The following CNTNAP2 variants were observed in gnomAD, a reference collection of about 807,000 sequenced individuals.
The protein encoded by CNTNAP2 is contactin-associated protein-like 2.
A neutral mutation model predicts 155.2 loss-of-function variants in CNTNAP2; 98 were observed. That is an observed-to-expected ratio of 0.63 (90% CI 0.54 to 0.75). CNTNAP2 has a LOEUF of 0.75. CNTNAP2 is among the 30% of genes least tolerant of loss of function. The pLI is 0.00. For missense variants in CNTNAP2, 1,727 were observed against 1,688.1 expected (o/e 1.02, Z -0.40); for synonymous variants, 651 against 631.2 (o/e 1.03, Z -0.47).
chr7:148,166,617 T>G (rs1440862355), intron 17 of CNTNAP2, among the ~76,000 whole-genome samples: 2 of 152,214 alleles, frequency 1.3e-5, no homozygotes, highest in African/African-American at 4.8e-5. Flanking sequence ...TTCCAGCATT[T>G]TCATAATTAA....
intron 16 of CNTNAP2, among the ~76,000 whole-genome samples, chr7:148,122,683 A>G (rs1270351944): frequency 6.6e-6 from 1 of 152,112 alleles, no homozygotes; most frequent in East Asian, 1.9e-4. Flanking sequence ...CAGAGAAAAG[A>G]CTGGAAGCCA....
chr7:146,472,658 A>T (rs1199385354), intron 1 of CNTNAP2, among the ~76,000 whole-genome samples: 1 of 152,184 alleles, frequency 6.6e-6, no homozygotes. Flanking sequence ...TAGATTCTCT[A>T]CAAGCAAATT....
intron 1 of CNTNAP2, among the ~76,000 whole-genome samples, chr7:146,162,659 A>G (rs1430302222): frequency 6.6e-6 from 1 of 152,250 alleles, no homozygotes; most frequent in Non-Finnish European, 1.5e-5. Context: ...ATTACTGGGT[A>G]TATACCCAAA....
rs1020553594 is a variant in CNTNAP2, at chr7:147,766,418, T to C, written c.2098+127112T>C. 3.9e-5 allele frequency among the ~76,000 whole-genome samples: 6 copies of C among 152,162 alleles called. No individual in the cohort carries two copies. The East Asian group carries it at 7.7e-4, about 20-fold the overall frequency. ...TTGTAAAATCATTCCTTTAGACCTATTGAGTAATAACGGTGTAGGTGAAGT... is the reference window on the plus strand; with the variant it reads ...TTGTAAAATCATTCCTTTAGACCTACTGAGTAATAACGGTGTAGGTGAAGT... On this transcript the variant is annotated intron_variant, in intron 13 of 23. Transcript: ENST00000361727.
chr7:147,904,908 C>T (rs942217324), intron 14 of CNTNAP2, among the ~76,000 whole-genome samples: 15 of 151,580 alleles, frequency 9.9e-5, no homozygotes, highest in Admixed American at 2.0e-4. Context: ...TCTACACACA[C>T]ACACACACAC....
intron 1 of CNTNAP2, among the ~76,000 whole-genome samples, chr7:146,641,170 C>T (rs1262001302): frequency 6.6e-6 from 1 of 151,776 alleles, no homozygotes; most frequent in Non-Finnish European, 1.5e-5. Flanking sequence ...ACTAAAAATA[C>T]AAAAAAATTA....
At chr7:148,218,683 C>T (rs1389786383) in intron 19 of CNTNAP2, among the ~76,000 whole-genome samples, 1 of 152,052 alleles carries the variant, frequency 6.6e-6, no homozygotes, top group African/African-American at 2.4e-5. Flanking sequence ...AGCCACCATG[C>T]CCGGCCCAGG....
intron 13 of CNTNAP2, among the ~76,000 whole-genome samples, chr7:147,710,604 C>G (rs1292590785): frequency 6.6e-6 from 1 of 152,108 alleles, no homozygotes; most frequent in Non-Finnish European, 1.5e-5. Context: ...ATACTTTTAT[C>G]ATAACATTGA....
intron 14 of CNTNAP2, among the ~76,000 whole-genome samples, chr7:147,906,826 G>A (rs978493247): frequency 2.0e-5 from 3 of 152,096 alleles, no homozygotes; most frequent in Non-Finnish European, 4.4e-5. Flanking sequence ...TCTGAATTCA[G>A]ATCACAGATT....
At chr7:147,139,797 C>T (rs1409439393) in intron 8 of CNTNAP2, among the ~76,000 whole-genome samples, 1 of 152,090 alleles carries the variant, frequency 6.6e-6, no homozygotes, top group African/African-American at 2.4e-5. Context: ...TGTTTAGCCA[C>T]ATATATTTCT....
chr7:148,175,083 G>A (rs2906286), intron 18 of CNTNAP2, among the ~76,000 whole-genome samples: 8,456 of 152,180 alleles, frequency 0.056, 608 homozygotes, highest in African/African-American at 0.17. Flanking sequence ...CAAAAGACAT[G>A]AACTCATTCT....
chr7:148,263,233 G>C (rs141013993), intron 20 of CNTNAP2: 9 of 152,288 alleles, frequency 5.9e-5, no homozygotes, highest in African/African-American at 2.2e-4. Flanking sequence ...TCCTAACTGA[G>C]CAGGTAATTT....
intron 1 of CNTNAP2, among the ~76,000 whole-genome samples, chr7:146,228,503 T>G (rs1200882757): frequency 6.6e-6 from 1 of 152,332 alleles, no homozygotes; most frequent in South Asian, 2.1e-4. Context: ...GTAAATACTA[T>G]GTAAATATTG....
intron 21 of CNTNAP2, among the ~76,000 whole-genome samples, chr7:148,374,685 G>C (rs919657592): frequency 6.6e-6 from 1 of 152,270 alleles, no homozygotes; most frequent in African/African-American, 2.4e-5. Context: ...TCGTACACAG[G>C]ATTCTATTTC....
chr7:147,780,857 CTT>C (rs1240155997), intron 13 of CNTNAP2, among the ~76,000 whole-genome samples: 1 of 152,170 alleles, frequency 6.6e-6, no homozygotes, highest in Non-Finnish European at 1.5e-5. Context: ...ATGTGAAAGA[CTT>C]AGCCAGGAAG....
At chr7:146,799,232 G>T in intron 2 of CNTNAP2, among the ~76,000 whole-genome samples, 1 of 151,910 alleles carries the variant, frequency 6.6e-6, no homozygotes, top group East Asian at 1.9e-4. Flanking sequence ...TAGAATCTGG[G>T]GACCTTCCCT....
intron 15 of CNTNAP2, among the ~76,000 whole-genome samples, chr7:148,051,906 G>A (rs1006238961): frequency 2.6e-5 from 4 of 152,076 alleles, no homozygotes; most frequent in Admixed American, 6.6e-5. Context: ...TTGGGAGGCC[G>A]AGGCGGGTGG....
intron 1 of CNTNAP2, among the ~76,000 whole-genome samples, chr7:146,741,908 A>C (rs1324937818): frequency 1.3e-5 from 2 of 152,154 alleles, no homozygotes; most frequent in Middle Eastern, 3.2e-3. Flanking sequence ...ATTGGAAGGA[A>C]AAAACCCTAA....
intron 13 of CNTNAP2, among the ~76,000 whole-genome samples, chr7:147,656,349 A>G (rs879719740): frequency 5.5e-4 from 84 of 152,332 alleles, no homozygotes; most frequent in African/African-American, 1.9e-3. Context: ...GTTAGCTTCC[A>G]GCCTATCTTG....
Sources: allele counts gnomAD v4.1 joint callset (sites outside exome capture counted in the v4.1 genomes callset), GRCh38; gene constraint gnomAD v4.1.1; transcripts MANE v1.5; gene names NCBI Gene and HGNC (gene_info 2026-07-23, HGNC 2026-07-21).